HLF: variants seen among roughly 807,000 people sequenced by gnomAD.
HLF encodes HLF transcription factor, PAR bZIP family member, also known as hepatic leukemia factor.
Under a neutral mutation model 22.6 loss-of-function variants are expected in HLF, and 3 were observed. The observed-to-expected ratio is 0.13, with a 90% CI of 0.06 to 0.34. The LOEUF (loss-of-function observed/expected upper bound fraction) is 0.34. HLF is among the 10% of genes least tolerant of loss of function. The pLI is 1.00. For synonymous variants in HLF, 151 were observed against 151.8 expected, an observed-to-expected ratio of 0.99 and a Z score of 0.04; for missense variants, 299 against 389.2, an observed-to-expected ratio of 0.77 and a Z score of 1.95.
At chr17:55,314,239 G>T (rs1186149251) in intron 2 of HLF, among the ~76,000 whole-genome samples, 4 of 152,208 alleles carry the variant, frequency 2.6e-5, no homozygotes, top group Admixed American at 2.6e-4. Flanking sequence ...TTCTCTGGAT[G>T]TTTGTGCATT....
At chr17:55,277,627 G>GT (rs1454397739) in intron 2 of HLF, among the ~76,000 whole-genome samples, 1 of 151,806 alleles carries the variant, frequency 6.6e-6, no homozygotes, top group East Asian at 1.9e-4. Context: ...GATCGGATTG[G>GT]GGGGGGTTGG....
intron 2 of HLF, among the ~76,000 whole-genome samples, chr17:55,310,725 T>C (rs1904792587): frequency 6.6e-6 from 1 of 152,216 alleles, no homozygotes; most frequent in Non-Finnish European, 1.5e-5. Context: ...ATTGTTCACC[T>C]AAAAACTAAG....
intron 2 of HLF, among the ~76,000 whole-genome samples, chr17:55,276,390 A>G (rs1202406284): frequency 6.6e-6 from 1 of 152,186 alleles, no homozygotes; most frequent in African/African-American, 2.4e-5. Context: ...TCTGCTGAAA[A>G]GAGGAGGTTG....
chr17:55,266,531 C>A (rs567291422), intron 1 of HLF, among the ~76,000 whole-genome samples: 6 of 152,338 alleles, frequency 3.9e-5, no homozygotes, highest in African/African-American at 1.4e-4. Context: ...CTTGCACCTT[C>A]TTTTCTAGGA....
chr17:55,304,385 C>T (rs1402851471), intron 2 of HLF, among the ~76,000 whole-genome samples: 2 of 152,168 alleles, frequency 1.3e-5, no homozygotes, highest in African/African-American at 4.8e-5. Context: ...CCACGTGCCT[C>T]GGCCATTAGT....
Position 55,325,126 on chromosome 17 carries a change from A to G in HLF, c.*4247A>G, listed in dbSNP as rs1245311786. Reference sequence around the variant, plus strand: ...GTATTCTGTTCCCACCTCGGTAGCAAAGAGACCATTTGTAGAGATTATTAC... The same window carrying G: ...GTATTCTGTTCCCACCTCGGTAGCAGAGAGACCATTTGTAGAGATTATTAC... On this transcript the variant is annotated 3_prime_UTR_variant, in exon 4 of 4. Transcript: ENST00000226067. The G allele has an allele frequency of 1.1e-5, 2 of 188,128 alleles. No homozygotes were observed. Among genetic ancestry groups the G allele is most frequent in the Non-Finnish European group, 2.2e-5 (2 of 89,076 alleles). 11.7% of individuals were successfully genotyped at this position (188,128 alleles called of 1,614,324 possible).
intron 2 of HLF, among the ~76,000 whole-genome samples, chr17:55,303,460 T>G (rs1294941488): frequency 2.0e-5 from 3 of 152,054 alleles, no homozygotes; most frequent in Admixed American, 2.0e-4. Flanking sequence ...TTCTGTAACT[T>G]TGGGATGGAG....
rs2080773976 is a variant in HLF at position 55,264,993 on chromosome 17, G to A, written c.-492G>A. 2 of 166,024 alleles carry A rather than the reference G, an allele frequency of 1.2e-5. No homozygotes were observed. Among genetic ancestry groups the A allele is most frequent in the Non-Finnish European group, 1.3e-5 (1 of 77,132 alleles). The allele number at this position is 166,024 out of a possible 1,614,324, so 10.3% of individuals were successfully genotyped here. A position where few individuals can be genotyped will look rare whatever the true frequency, so the allele number is the denominator to read the frequency against. On this transcript the variant is annotated 5_prime_UTR_variant, in exon 1 of 4. Transcript: ENST00000226067. ...CAGGGCCGCGGCACATGGGCGGCCG[G>A]ATGCGCTGAGCCCGGCGCTGCGGGG... is the stretch of plus-strand genomic sequence containing the variant.
intron 2 of HLF, among the ~76,000 whole-genome samples, chr17:55,313,558 G>T (rs76184985): frequency 0.014 from 2,065 of 152,178 alleles, 48 homozygotes; most frequent in African/African-American, 0.048. Flanking sequence ...GGGAGGTGGG[G>T]ACATTGTAGT....
At chr17:55,306,747 CTTCT>C (rs1904584257) in intron 2 of HLF, among the ~76,000 whole-genome samples, 1 of 152,014 alleles carries the variant, frequency 6.6e-6, no homozygotes, top group South Asian at 2.1e-4. Flanking sequence ...CTTTTTTCTT[CTTCT>C]TTCTTTCTCC....
chr17:55,276,093 G>A (rs1421013141), intron 2 of HLF, among the ~76,000 whole-genome samples: 2 of 152,220 alleles, frequency 1.3e-5, no homozygotes, highest in Non-Finnish European at 2.9e-5. Flanking sequence ...GGGTAACAGA[G>A]TGCAACCCTG....
At chr17:55,305,927 A>T (rs1458654024) in intron 2 of HLF, among the ~76,000 whole-genome samples, 17 of 152,238 alleles carry the variant, frequency 1.1e-4, no homozygotes, top group African/African-American at 3.9e-4. Context: ...TATTTAGCAT[A>T]TCTGAGCTTG....
At chr17:55,312,288 A>G (rs1904864593) in intron 2 of HLF, among the ~76,000 whole-genome samples, 1 of 152,226 alleles carries the variant, frequency 6.6e-6, no homozygotes, top group Non-Finnish European at 1.5e-5. Context: ...CACCAACAGT[A>G]TATGAATGTT....
intron 2 of HLF, among the ~76,000 whole-genome samples, chr17:55,314,266 T>C (rs1904975191): frequency 6.6e-6 from 1 of 152,220 alleles, no homozygotes; most frequent in Non-Finnish European, 1.5e-5. Flanking sequence ...GTTTTGCCTG[T>C]AGGACCCTCA....
intron 1 of HLF, 40 bp downstream of exon 1, chr17:55,265,639 C>T (rs751337984): frequency 7.1e-7 from 1 of 1,403,498 alleles, no homozygotes; most frequent in South Asian, 1.2e-5. Flanking sequence ...AGGGACGACG[C>T]TCCGGGGGTC....
chr17:55,268,122 G>A, intron 2 of HLF, 36 bp downstream of exon 2: 1 of 1,429,960 alleles, frequency 7.0e-7, no homozygotes, highest in Non-Finnish European at 9.5e-7. Context: ...CAGAAAGGGA[G>A]GAGGAGGGTG....
chr17:55,271,051 G>A (rs918604000), intron 2 of HLF, among the ~76,000 whole-genome samples: 21 of 152,302 alleles, frequency 1.4e-4, no homozygotes, highest in African/African-American at 4.6e-4. Context: ...AAGTAAAAAT[G>A]TCTTCAGTCA....
intron 2 of HLF, among the ~76,000 whole-genome samples, chr17:55,287,301 A>G (rs2081013469): frequency 6.6e-6 from 1 of 152,006 alleles, no homozygotes; most frequent in South Asian, 2.1e-4. Flanking sequence ...TAAAAGCCAC[A>G]TTTTCTTTGT....
At position 55,320,909 on chromosome 17, in the gene HLF, T is replaced by A; in HGVS notation, c.*30T>A. The stretch of plus-strand genomic sequence containing the variant: ...GCATTTTTGCAGGCTGGCTTTGGAA[T>A]AGATGGACAGTTTGTTTCCTGTCTG... On this transcript the variant is annotated 3_prime_UTR_variant, in exon 4 of 4. Coordinates refer to ENST00000226067, the MANE Select transcript of HLF (RefSeq NM_002126.5). This position sits in a 1 kb window ranked among gnomAD's most constrained non-coding sequence, Gnocchi z 4.2. 6.4e-7 allele frequency: 1 copy of A among 1,553,442 alleles called. No individual in the cohort carries two copies. The highest frequency in any genetic ancestry group is 8.8e-7 in the Non-Finnish European group (1 of 1,135,032).
Sources: gnomAD v4.1 joint callset for allele counts (sites outside exome capture counted in the v4.1 genomes callset) on GRCh38, gnomAD v4.1.1 for gene constraint, Gnocchi (gnomAD v3.1) non-coding constraint, MANE v1.5 for transcripts, NCBI Gene and HGNC (gene_info 2026-07-23, HGNC 2026-07-21) for gene names.